The following TMEM263 variants were observed in gnomAD, a reference collection of about 807,000 sequenced individuals.
TMEM263 encodes the protein UPF0444 transmembrane protein C12orf23.
A neutral mutation model predicts 8.6 loss-of-function variants in TMEM263; 5 were observed. The ratio of observed to expected loss-of-function variants is 0.58; its 90% CI spans 0.31 to 1.23. TMEM263 has a LOEUF of 1.23. TMEM263 is among the 50% of genes most tolerant of loss of function. The pLI, the probability that TMEM263 is intolerant of heterozygous loss-of-function variation, is 0.07. For missense variants in TMEM263, 104 were observed against 138.8 expected (o/e 0.75, Z 1.26); for synonymous variants, 50 against 47.9 (o/e 1.04, Z -0.18).
chr12:106,960,472 T>G (rs1180907959), intron 2 of TMEM263, among the ~76,000 whole-genome samples: 4 of 152,234 alleles, frequency 2.6e-5, no homozygotes, highest in Non-Finnish European at 5.9e-5. Flanking sequence ...CTTTCTTGTT[T>G]ATTGATAATC....
intron 2 of TMEM263, among the ~76,000 whole-genome samples, chr12:106,958,694 T>C (rs1464099968): frequency 6.6e-6 from 1 of 152,252 alleles, no homozygotes; most frequent in Non-Finnish European, 1.5e-5. Flanking sequence ...AGAACTGATT[T>C]ATGTCTGTAG....
At chr12:106,961,169 C>A (rs1012982784) in intron 2 of TMEM263, among the ~76,000 whole-genome samples, 1 of 150,292 alleles carries the variant, frequency 6.7e-6, no homozygotes, top group Admixed American at 6.6e-5. Context: ...GCAGTTCTTC[C>A]TCTTCATCCT....
chr12:106,957,851 A>G (rs1194810707), intron 2 of TMEM263, among the ~76,000 whole-genome samples: 1 of 152,112 alleles, frequency 6.6e-6, no homozygotes, highest in Non-Finnish European at 1.5e-5. Flanking sequence ...CTTGTAGCCT[A>G]TTTGCTGTTG....
intron 3 of TMEM263, among the ~76,000 whole-genome samples, chr12:106,967,894 T>C (rs1019821093): frequency 7.9e-5 from 12 of 152,214 alleles, no homozygotes; most frequent in Non-Finnish European, 1.5e-4. Context: ...TATATTGTAA[T>C]TGGTACCTCT....
chr12:106,961,520 A>T (rs1010505058), intron 2 of TMEM263, among the ~76,000 whole-genome samples: 11 of 152,138 alleles, frequency 7.2e-5, no homozygotes, highest in Non-Finnish European at 1.5e-4. Flanking sequence ...GTGTGGAGGA[A>T]GATAGGACAC....
intron 3 of TMEM263, 25 bp downstream of exon 3, chr12:106,967,205 GAA>G: frequency 7.4e-7 from 1 of 1,347,668 alleles, no homozygotes; most frequent in Non-Finnish European, 1.0e-6. Context: ...GTAACACTAA[GAA>G]TGGAAAAATA....
Position 106,973,512 on chromosome 12 carries a change from T to TA in TMEM263, c.*2122dup, listed in dbSNP as rs1280069782. On this transcript the variant is annotated 3_prime_UTR_variant, in exon 4 of 4. Transcript: ENST00000280756. Reference sequence around the variant, plus strand: ...TTTCTGCTACAGAAAAGCCACCTGGTACGTTTTGTCTCATCAGGATTGTTT... The same window carrying TA: ...TTTCTGCTACAGAAAAGCCACCTGGTAACGTTTTGTCTCATCAGGATTGTTT... 6.6e-6 allele frequency: 1 copy of TA among 152,612 alleles called. No individual in the cohort carries two copies. The highest frequency in any genetic ancestry group is 6.5e-5 in the Admixed American group (1 of 15,284). 9.5% of individuals were successfully genotyped at this position (152,612 alleles called of 1,614,324 possible). A position where few individuals can be genotyped will look rare whatever the true frequency, so the allele number is the denominator to read the frequency against.
At chr12:106,963,217 G>C (rs1951801952) in intron 2 of TMEM263, among the ~76,000 whole-genome samples, 1 of 152,192 alleles carries the variant, frequency 6.6e-6, no homozygotes, top group East Asian at 1.9e-4. Flanking sequence ...AAGGTATAAG[G>C]ACTCTGAATT....
intron 2 of TMEM263, among the ~76,000 whole-genome samples, chr12:106,966,567 G>A (rs1247114361): frequency 6.6e-6 from 1 of 152,194 alleles, no homozygotes; most frequent in Non-Finnish European, 1.5e-5. Flanking sequence ...TTCCACAGTG[G>A]CTGAACTAAT....
At position 106,973,234 on chromosome 12, in the gene TMEM263, C is replaced by T. The variant is rs996555319; in HGVS notation, c.*1843C>T. On this transcript the variant is annotated 3_prime_UTR_variant, in exon 4 of 4. Coordinates refer to ENST00000280756, the MANE Select transcript of TMEM263 (RefSeq NM_152261.4). Reference sequence around the variant, plus strand: ...CTGGTCAAATGTCATAATCAGCAAACGGGATTAAAAAAAAAACTCCAAAAT... The same window carrying T: ...CTGGTCAAATGTCATAATCAGCAAATGGGATTAAAAAAAAAACTCCAAAAT... The T allele has an allele frequency of 5.3e-5, 8 of 151,480 alleles. No homozygotes were observed. The highest frequency in any genetic ancestry group is 1.5e-4 in the African/African-American group (6 of 41,060). 9.4% of individuals were successfully genotyped at this position (151,480 alleles called of 1,614,324 possible).
chr12:106,956,821 T>C (rs1593459982), intron 1 of TMEM263: 1 of 151,216 alleles, frequency 6.6e-6, no homozygotes, highest in African/African-American at 2.4e-5. Context: ...AGGGAGGAGG[T>C]GCCAAGCTCA....
At position 106,971,509 on chromosome 12, in the gene TMEM263, G is replaced by C. The variant is rs1282636701; in HGVS notation, c.*118G>C. ...CGTTTATCTTCTAAACTGCTGTGTT[G>C]AAAGTATTGATGACTGGCTTTCATC... On this transcript the variant is annotated 3_prime_UTR_variant, in exon 4 of 4. Coordinates refer to ENST00000280756, the MANE Select transcript of TMEM263 (RefSeq NM_152261.4). 9.6e-7 allele frequency: 1 copy of C among 1,043,166 alleles called. No homozygotes were observed. Among genetic ancestry groups the C allele is most frequent in the African/African-American group, 1.6e-5 (1 of 61,978 alleles). The allele number at this position is 1,043,166 out of a possible 1,614,324, so 64.6% of individuals were successfully genotyped here.
chr12:106,962,095 A>T (rs1051385107), intron 2 of TMEM263, among the ~76,000 whole-genome samples: 1 of 152,190 alleles, frequency 6.6e-6, no homozygotes, highest in Non-Finnish European at 1.5e-5. Flanking sequence ...TTAACTATGC[A>T]TATTTCTATG....
chr12:106,957,782 G>A (rs1490651898), intron 2 of TMEM263, among the ~76,000 whole-genome samples: 1 of 152,154 alleles, frequency 6.6e-6, no homozygotes, highest in East Asian at 1.9e-4. Context: ...CGTCTAAGTG[G>A]GCACTTACAA....
intron 1 of TMEM263, among the ~76,000 whole-genome samples, chr12:106,956,393 G>A (rs1164052167): frequency 6.6e-6 from 1 of 152,206 alleles, no homozygotes; most frequent in Non-Finnish European, 1.5e-5. Flanking sequence ...AGGGGCATCA[G>A]CAGCCTGGGA....
Position 106,971,415 on chromosome 12 carries a change from C to A in TMEM263, c.*24C>A. 1 of 1,563,370 alleles carries A rather than the reference C, an allele frequency of 6.4e-7. No homozygotes were observed. The highest frequency in any genetic ancestry group is 1.2e-5 in the South Asian group (1 of 82,348). Reference sequence around the variant, plus strand: ...GAAATATAGAGATACACTTGCGCTCCACAGCACTGTAATGCCAGTGGCATT... The same window carrying A: ...GAAATATAGAGATACACTTGCGCTCAACAGCACTGTAATGCCAGTGGCATT... On this transcript the variant is annotated 3_prime_UTR_variant, in exon 4 of 4. Transcript: ENST00000280756.
At chr12:106,971,056 A>G in intron 3 of TMEM263, 49 bp from the exon 4 acceptor site, 1 of 1,590,128 alleles carries the variant, frequency 6.3e-7, no homozygotes. Flanking sequence ...TGCTCTTTTA[A>G]AGACTTGTGA....
chr12:106,970,528 T>G (rs964630320), intron 3 of TMEM263, among the ~76,000 whole-genome samples: 2 of 152,200 alleles, frequency 1.3e-5, no homozygotes, highest in Non-Finnish European at 2.9e-5. Flanking sequence ...TTATACATCA[T>G]TCTGCTTCTG....
At chr12:106,965,912 G>C (rs1220066206) in intron 2 of TMEM263, among the ~76,000 whole-genome samples, 1 of 152,038 alleles carries the variant, frequency 6.6e-6, no homozygotes. Context: ...CAGATTGGTG[G>C]TGTCATCATT....
Sources: gnomAD v4.1 joint callset for allele counts (sites outside exome capture counted in the v4.1 genomes callset) on GRCh38, gnomAD v4.1.1 for gene constraint, MANE v1.5 for transcripts, NCBI Gene and HGNC (gene_info 2026-07-23, HGNC 2026-07-21) for gene names.